FAM107A: variants seen among roughly 807,000 people sequenced by gnomAD.
The protein encoded by FAM107A is family with sequence similarity 107 member A.
In FAM107A, 19 loss-of-function variants were observed where a neutral mutation model predicts 13.7. That is an observed-to-expected ratio of 1.38 (90% confidence interval 0.97 to 2.03). The LOEUF (loss-of-function observed/expected upper bound fraction) is 2.03. Ranked by LOEUF, FAM107A falls within the 30% of genes most tolerant of loss-of-function variation. The pLI is 0.00. For synonymous variants in FAM107A, 82 were observed against 74.5 expected (o/e 1.10, Z -0.52); for missense variants, 203 against 184.4 (o/e 1.10, Z -0.58).
rs2108030758 is a variant in FAM107A, at chr3:58,564,585, A to T, written c.*2003T>A. 6.6e-6 allele frequency: 1 copy of T among 152,324 alleles called. No homozygotes were observed. The highest frequency in any genetic ancestry group is 2.1e-4 in the South Asian group (1 of 4,826). The allele number at this position is 152,324 out of a possible 1,614,324, so 9.4% of individuals were successfully genotyped here. On this transcript the variant is annotated 3_prime_UTR_variant, in exon 4 of 4. Transcript: ENST00000360997. This position sits in a 1 kb window ranked among gnomAD's most constrained non-coding sequence, Gnocchi z 5.6. The stretch of plus-strand genomic sequence containing the variant: ...TCTACCTCTGGGGCTTCATGGAATG[A>T]CTTGTTGCCTCCATGGAGCACCTCT...
chr3:58,621,345 C>T (rs1251532487), intron 1 of FAM107A, among the ~76,000 whole-genome samples: 2 of 152,158 alleles, frequency 1.3e-5, no homozygotes, highest in Admixed American at 6.5e-5. Flanking sequence ...ACCTGTGCAG[C>T]TGCACAGGGC....
upstream of FAM107A, among the ~76,000 whole-genome samples, chr3:58,587,762 G>A (rs1191857945): frequency 2.0e-5 from 3 of 152,034 alleles, no homozygotes; most frequent in Non-Finnish European, 2.9e-5. Context: ...GGCTCACCAG[G>A]GGGCTTCAGG....
At chr3:58,600,385 C>T (rs532771694) in intron 1 of FAM107A, among the ~76,000 whole-genome samples, 3 of 152,168 alleles carry the variant, frequency 2.0e-5, no homozygotes, top group South Asian at 2.1e-4. Context: ...GCTGCTCATG[C>T]GACAGGCTTT....
At chr3:58,612,471 T>C (rs2065863927) in intron 1 of FAM107A, among the ~76,000 whole-genome samples, 1 of 151,874 alleles carries the variant, frequency 6.6e-6, no homozygotes, top group Non-Finnish European at 1.5e-5. Context: ...TATTAGCTAC[T>C]TGGGAGGCTG....
At chr3:58,625,416 A>C (rs908410735) in intron 1 of FAM107A, among the ~76,000 whole-genome samples, 13 of 152,310 alleles carry the variant, frequency 8.5e-5, no homozygotes, top group African/African-American at 2.9e-4. Flanking sequence ...ATCACCAATC[A>C]TGGAGCGGTT....
At chr3:58,616,088 C>G (rs2065898746) in intron 1 of FAM107A, among the ~76,000 whole-genome samples, 1 of 151,986 alleles carries the variant, frequency 6.6e-6, no homozygotes, top group Admixed American at 6.6e-5. Flanking sequence ...GAGCCCAGAG[C>G]ACGATCAGCC....
Position 58,617,008 on chromosome 3 carries a change from G to A in FAM107A, c.-70+10408C>T, listed in dbSNP as rs534642636. On this transcript the variant is annotated intron_variant, in intron 1 of 3. Coordinates refer to the FAM107A transcript ENST00000465970. The surrounding 1 kb of genome is among the most constrained non-coding windows in gnomAD (Gnocchi z 4.5). Reference sequence around the variant, plus strand: ...AGGATGGTCTCAATCTCTTGACCTTGTGATCCGCCTGCCTCGGCCTCCCAA... The same window carrying A: ...AGGATGGTCTCAATCTCTTGACCTTATGATCCGCCTGCCTCGGCCTCCCAA... 3.1e-3 allele frequency among the ~76,000 whole-genome samples: 470 copies of A among 152,268 alleles called. 4 individuals are homozygous for A. Among genetic ancestry groups the A allele is most frequent in the African/African-American group, 0.011 (447 of 41,566 alleles).
chr3:58,576,001 A>G (rs2063727856), intron 1 of FAM107A, among the ~76,000 whole-genome samples: 1 of 152,226 alleles, frequency 6.6e-6, no homozygotes, highest in Admixed American at 6.5e-5. Flanking sequence ...TTTCAAAATA[A>G]CGACTGGCAA....
At chr3:58,608,286 T>G (rs1033859156) in intron 1 of FAM107A, among the ~76,000 whole-genome samples, 15 of 152,092 alleles carry the variant, frequency 9.9e-5, no homozygotes, top group Admixed American at 9.2e-4. Flanking sequence ...CGTCATTCAT[T>G]TTTCTAAATT....
In FAM107A at chr3:58,577,228, G is replaced by A; in HGVS notation, c.-6+81C>T. On this transcript the variant is annotated intron_variant, in intron 1 of 3. Coordinates refer to ENST00000360997, the MANE Select transcript of FAM107A (RefSeq NM_001076778.3). This position sits in a 1 kb window ranked among gnomAD's most constrained non-coding sequence, Gnocchi z 4.9. The stretch of plus-strand genomic sequence containing the variant: ...ACTGACAGCCCACTTCAGTGTACCG[G>A]GTCTGCCCTCCTTCCCTTCCACCTC... The A allele has an allele frequency of 1.5e-6, 1 of 660,084 alleles. No homozygotes were observed. The highest frequency in any genetic ancestry group is 1.9e-6 in the Non-Finnish European group (1 of 532,732). The allele number at this position is 660,084 out of a possible 1,614,324, so 40.9% of individuals were successfully genotyped here. A position where few individuals can be genotyped will look rare whatever the true frequency, so the allele number is the denominator to read the frequency against.
intron 1 of FAM107A, among the ~76,000 whole-genome samples, chr3:58,599,541 G>A (rs1428220342): frequency 2.0e-5 from 3 of 152,098 alleles, no homozygotes; most frequent in South Asian, 4.1e-4. Flanking sequence ...AGTCGGGATA[G>A]TGGTTGCCCC....
intron 1 of FAM107A, among the ~76,000 whole-genome samples, chr3:58,598,118 C>T (rs547411251): frequency 1.5e-4 from 23 of 152,328 alleles, no homozygotes; most frequent in African/African-American, 5.3e-4. Context: ...GATGTCGCAA[C>T]GCTCACCCCG....
At chr3:58,577,556 A>T (rs17059410), upstream of FAM107A, 4,404 of 985,440 alleles carry the variant, frequency 4.5e-3, 133 homozygotes, top group African/African-American at 0.069. The surrounding 1 kb of genome is among the most constrained non-coding windows in gnomAD (Gnocchi z 4.9). Context: ...CACTTCCACG[A>T]TGCGGAACAT....
intron 1 of FAM107A, among the ~76,000 whole-genome samples, chr3:58,585,300 G>C (rs911815078): frequency 6.6e-6 from 1 of 152,204 alleles, no homozygotes; most frequent in Non-Finnish European, 1.5e-5. Flanking sequence ...TAGGGAAATC[G>C]CCGGAGCTGG....
rs2063626259 is a variant in FAM107A, at chr3:58,566,775, A to C, written c.328-80T>G. ...CTGAAAACCTGTGGAGTTTGGACCA[A>C]GGGCCCACTCAGTGGGGAAACAGAA... is the stretch of plus-strand genomic sequence containing the variant. On this transcript the variant is annotated intron_variant, in intron 3 of 3. Transcript: ENST00000360997. The C allele has an allele frequency of 2.6e-6, 3 of 1,171,608 alleles. No homozygotes were observed. In the African/African-American group the frequency reaches 4.5e-5, roughly 18 times the overall value. The allele number at this position is 1,171,608 out of a possible 1,614,324, so 72.6% of individuals were successfully genotyped here.
At chr3:58,576,046 C>T (rs558544377) in intron 1 of FAM107A, among the ~76,000 whole-genome samples, 18 of 152,348 alleles carry the variant, frequency 1.2e-4, no homozygotes, top group East Asian at 3.9e-4. Flanking sequence ...GTGACAAGCA[C>T]GGTCACTGGA....
At chr3:58,579,811 T>C (rs1357958798), upstream of FAM107A, among the ~76,000 whole-genome samples, 2 of 152,186 alleles carry the variant, frequency 1.3e-5, no homozygotes, top group African/African-American at 2.4e-5. Context: ...AGTCCTCGGA[T>C]GTTGGGCGTC....
chr3:58,596,196 C>T lies in FAM107A; in HGVS notation c.-69-6927G>A, dbSNP rs2065705833. ...ACCTCTTGGCATTGGTCACTGGTGG[C>T]CTCAATGATCCTATCCCCAAATCCT... is the stretch of plus-strand genomic sequence containing the variant. On this transcript the variant is annotated intron_variant, in intron 1 of 3. Coordinates refer to the FAM107A transcript ENST00000465970. Among the ~76,000 whole-genome samples the T allele has an allele frequency of 2.0e-5, 3 of 152,250 alleles. No homozygotes were observed. The South Asian group carries it at 6.2e-4, about 32-fold the overall frequency.
At chr3:58,587,369 C>G (rs1049868290), upstream of FAM107A, among the ~76,000 whole-genome samples, 1 of 152,200 alleles carries the variant, frequency 6.6e-6, no homozygotes, top group Admixed American at 6.5e-5. Context: ...GCTGTGTGTC[C>G]CCACGATTTA....
Sources: allele counts gnomAD v4.1 joint callset (sites outside exome capture counted in the v4.1 genomes callset), GRCh38; gene constraint gnomAD v4.1.1; non-coding constraint Gnocchi (gnomAD v3.1); transcripts MANE v1.5; gene names NCBI Gene and HGNC (gene_info 2026-07-23, HGNC 2026-07-21).